TNFRSF19: variants seen among roughly 807,000 people sequenced by gnomAD.
The protein encoded by TNFRSF19 is TNF receptor superfamily member 19, also known as tumor necrosis factor receptor superfamily member 19.
In TNFRSF19, 27 loss-of-function variants were observed where a neutral mutation model predicts 46.4. The observed-to-expected ratio is 0.58, with a 90% CI of 0.43 to 0.80. TNFRSF19 has a LOEUF of 0.80. Ranked by LOEUF, TNFRSF19 falls within the 30% of genes least tolerant of loss-of-function variation. The pLI is 0.00. For missense variants in TNFRSF19, 511 were observed against 530.8 expected (o/e 0.96, Z 0.37); for synonymous variants, 204 against 205.0 (o/e 1.00, Z 0.04).
At chr13:23,667,134 T>G (rs995101944) in intron 7 of TNFRSF19, among the ~76,000 whole-genome samples, 3 of 88,862 alleles carry the variant, frequency 3.4e-5, no homozygotes, top group Non-Finnish European at 4.9e-5. Flanking sequence ...TATATATATA[T>G]ATATATGTAT....
At position 23,660,471 on chromosome 13, in the gene TNFRSF19, T is replaced by A; in HGVS notation, c.717T>A (p.Arg239=). The change falls in exon 7 of 10, where the codon CGT becomes CGA. Residue 239 remains arginine (R), a synonymous_variant. Coordinates refer to ENST00000248484, the MANE Select transcript of TNFRSF19 (RefSeq NM_148957.4). ...YAHRACCQCR[R]DSVQTCGPVR... Reference sequence around the variant, plus strand: ...ACAGAGCCTGCTGCCAGTGCCGCCGTGACTCAGTGCAGACCTGCGGTAAGT... The same window carrying A: ...ACAGAGCCTGCTGCCAGTGCCGCCGAGACTCAGTGCAGACCTGCGGTAAGT... 1 of 1,613,406 alleles carries A rather than the reference T, an allele frequency of 6.2e-7. No homozygotes were observed. The highest frequency in any genetic ancestry group is 8.5e-7 in the Non-Finnish European group (1 of 1,179,994).
chr13:23,634,995 G>A (rs1478884199), intron 5 of TNFRSF19, among the ~76,000 whole-genome samples: 1 of 152,070 alleles, frequency 6.6e-6, no homozygotes, highest in Admixed American at 6.6e-5. Context: ...AAGGTACCAG[G>A]CATTTCATCT....
intron 1 of TNFRSF19, among the ~76,000 whole-genome samples, chr13:23,580,095 G>C (rs1878300575): frequency 6.6e-6 from 1 of 152,212 alleles, no homozygotes. Flanking sequence ...TAGATTTAGA[G>C]AGTGAGAAAG....
intron 7 of TNFRSF19, among the ~76,000 whole-genome samples, chr13:23,664,696 C>T (rs1951589933): frequency 1.3e-5 from 2 of 152,218 alleles, no homozygotes; most frequent in South Asian, 4.1e-4. Context: ...GTTCCAGTCT[C>T]ATGTTGTATA....
intron 3 of TNFRSF19, among the ~76,000 whole-genome samples, chr13:23,600,862 C>T (rs75612306): frequency 0.15 from 22,282 of 152,048 alleles, 2,033 homozygotes; most frequent in African/African-American, 0.24. Context: ...GCTCCTTCTA[C>T]CCAGTGTATC....
intron 1 of TNFRSF19, chr13:23,579,432 A>G (rs922200769): frequency 1.3e-5 from 2 of 149,522 alleles, no homozygotes; most frequent in Non-Finnish European, 3.0e-5. Context: ...CTGGACCCCC[A>G]TGCAACCCCG....
intron 5 of TNFRSF19, among the ~76,000 whole-genome samples, chr13:23,632,125 G>A (rs565656153): frequency 6.6e-6 from 1 of 152,164 alleles, no homozygotes; most frequent in Non-Finnish European, 1.5e-5. Flanking sequence ...CACAAAGCCA[G>A]TGCCTAAAGG....
chr13:23,630,810 C>A (rs528901195), intron 5 of TNFRSF19, among the ~76,000 whole-genome samples: 28 of 152,216 alleles, frequency 1.8e-4, no homozygotes, highest in Non-Finnish European at 2.9e-4. Context: ...TAATTTGGAA[C>A]AAATACTGTG....
At position 23,638,680 on chromosome 13, in the gene TNFRSF19, C is replaced by T. The variant is rs140682460; in HGVS notation, c.445+11888C>T. Among the ~76,000 whole-genome samples, 1,042 of 152,260 alleles carry T rather than the reference C, an allele frequency of 6.8e-3. 11 individuals are homozygous for T. The highest frequency in any genetic ancestry group is 0.024 in the African/African-American group (986 of 41,534). On this transcript the variant is annotated intron_variant, in intron 5 of 9. Coordinates refer to ENST00000248484, the MANE Select transcript of TNFRSF19 (RefSeq NM_148957.4). ...GCCCCTGTAGCAGCTTCCTCCCTGA[C>T]TTCCTCCCTTCTGCTGATGTTCCTG...
At position 23,574,061 on chromosome 13, in the gene TNFRSF19, C is replaced by CAAA. The variant is rs67057644; in HGVS notation, c.-35+3231_-35+3233dup. ...TGGGTGACAGAGTGAGACTCTGTCTCAAAAAAAAAAAAAAAAAAAATCTAT... is the reference window on the plus strand; with the variant it reads ...TGGGTGACAGAGTGAGACTCTGTCTCAAAAAAAAAAAAAAAAAAAAAAATCTAT... On this transcript the variant is annotated intron_variant, in intron 1 of 9. Transcript: ENST00000248484. 5.9e-4 allele frequency among the ~76,000 whole-genome samples: 56 copies of CAAA among 95,310 alleles called. 1 individual carries two copies. The highest frequency in any genetic ancestry group is 1.7e-3 in the African/African-American group (40 of 24,222). 62.5% of individuals were successfully genotyped at this position (95,310 alleles called of 152,430 possible). A position where few individuals can be genotyped will look rare whatever the true frequency, so the allele number is the denominator to read the frequency against.
intron 5 of TNFRSF19, among the ~76,000 whole-genome samples, chr13:23,639,547 T>A (rs1237139807): frequency 6.6e-6 from 1 of 152,236 alleles, no homozygotes; most frequent in Non-Finnish European, 1.5e-5. Flanking sequence ...TGTCCTCCCC[T>A]TTCCCTGGAG....
At chr13:23,586,128 G>A (rs1405229494) in intron 1 of TNFRSF19, among the ~76,000 whole-genome samples, 1 of 151,600 alleles carries the variant, frequency 6.6e-6, no homozygotes, top group Non-Finnish European at 1.5e-5. Context: ...CGCAGTGGCG[G>A]GCACCTGTAG....
intron 4 of TNFRSF19, among the ~76,000 whole-genome samples, chr13:23,624,724 A>G (rs936907829): frequency 1.2e-4 from 18 of 151,482 alleles, no homozygotes; most frequent in South Asian, 4.2e-4. Flanking sequence ...TACTCCCAAA[A>G]TTTTTTCATT....
At chr13:23,618,083 A>C (rs753938971) in intron 4 of TNFRSF19, among the ~76,000 whole-genome samples, 1 of 152,232 alleles carries the variant, frequency 6.6e-6, no homozygotes, top group Non-Finnish European at 1.5e-5. Flanking sequence ...AGGGAGCTGT[A>C]AGATGTAGTG....
At position 23,591,418 on chromosome 13, in the gene TNFRSF19, A is replaced by T. The variant is rs146320011; in HGVS notation, c.69+1166A>T. 2.6e-5 allele frequency among the ~76,000 whole-genome samples: 4 copies of T among 152,262 alleles called. No homozygotes were observed. The East Asian group carries it at 7.7e-4, about 29-fold the overall frequency. On this transcript the variant is annotated intron_variant, in intron 2 of 9. Coordinates refer to ENST00000248484, the MANE Select transcript of TNFRSF19 (RefSeq NM_148957.4). ...CAGTGAGCTGAGATCACGCCACTGC[A>T]CTCTAGCCTGGGCAACAGAGTGAGA...
At chr13:23,624,199 C>T (rs191998874) in intron 4 of TNFRSF19, among the ~76,000 whole-genome samples, 27 of 152,206 alleles carry the variant, frequency 1.8e-4, no homozygotes, top group South Asian at 8.3e-4. Context: ...ATATACATGA[C>T]GGTTTACTTC....
intron 1 of TNFRSF19, among the ~76,000 whole-genome samples, chr13:23,579,707 T>C (rs773290401): frequency 1.4e-4 from 22 of 152,210 alleles, no homozygotes; most frequent in Non-Finnish European, 2.8e-4. Context: ...CCGAAGGGGC[T>C]GACCGGGTCT....
intron 4 of TNFRSF19, among the ~76,000 whole-genome samples, chr13:23,623,229 G>A (rs1370140063): frequency 1.3e-5 from 2 of 152,188 alleles, no homozygotes; most frequent in Non-Finnish European, 2.9e-5. Context: ...TGACAGGCTT[G>A]TGTCACTTAG....
intron 4 of TNFRSF19, among the ~76,000 whole-genome samples, chr13:23,621,629 G>GT (rs1881659963): frequency 1.3e-5 from 2 of 152,160 alleles, no homozygotes; most frequent in Non-Finnish European, 2.9e-5. Flanking sequence ...TAAAATAGCA[G>GT]TTTTCAAACA....
Sources: gnomAD v4.1 joint callset for allele counts (sites outside exome capture counted in the v4.1 genomes callset) on GRCh38, gnomAD v4.1.1 for gene constraint, MANE v1.5 for transcripts, NCBI Gene and HGNC (gene_info 2026-07-23, HGNC 2026-07-21) for gene names.